The following CCR7 variants were observed in gnomAD, a reference collection of about 807,000 sequenced individuals.
CCR7 encodes C-C motif chemokine receptor 7.
A neutral mutation model predicts 26.0 loss-of-function variants in CCR7; 11 were observed. The observed-to-expected ratio is 0.42, with a 90% CI of 0.27 to 0.70. CCR7 has a LOEUF of 0.70. Among genes scored for constraint, CCR7 ranks in the 30% least tolerant of loss-of-function variants. CCR7 has a pLI of 0.23. For synonymous variants in CCR7, 189 were observed against 202.1 expected (o/e 0.94, Z 0.55); for missense variants, 360 against 504.0 (o/e 0.71, Z 2.74).
chr17:40,555,372 G>A lies in CCR7; in HGVS notation c.507C>T (p.Ala169=). 1.2e-6 allele frequency: 2 copies of A among 1,614,142 alleles called. No homozygotes were observed. The highest frequency in any genetic ancestry group is 1.7e-6 in the Non-Finnish European group (2 of 1,180,038). The part of the protein sequence containing the change: ...VQAVSAHRHR[A]RVLLISKLSC... ...ACAGCTTGCTGATGAGAAGGACGCGGGCACGGTGGCGGTGAGCTGAGACAG... is the reference window on the plus strand; with the variant it reads ...ACAGCTTGCTGATGAGAAGGACGCGAGCACGGTGGCGGTGAGCTGAGACAG... Residue 169 remains alanine (A), a synonymous_variant, in exon 3 of 3, where the codon GCC becomes GCT. Transcript: ENST00000246657. The surrounding 1 kb of genome is among the most constrained non-coding windows in gnomAD (Gnocchi z 5.6).
rs773718925 is a variant in CCR7 at position 40,558,927 on chromosome 17, C to T, written c.26G>A (p.Ser9Asn). The T allele has an allele frequency of 1.1e-5, 17 of 1,612,718 alleles. No homozygotes were observed. The East Asian group carries it at 3.6e-4, about 34-fold the overall frequency. Reference protein sequence around the residue: MDLGKPMKSVLVVALLVIF... With the variant: MDLGKPMKNVLVVALLVIF... ...GACAAGGAGAGCCACCACCAGCACG[C>T]TTTTCATTGGTTTCCCTGTAGGAGA... The change falls in exon 2 of 3, where the codon AGC (serine) becomes AAC (asparagine). Residue 9 changes from serine to asparagine, a missense_variant. Coordinates refer to ENST00000246657, the MANE Select transcript of CCR7 (RefSeq NM_001838.4).
chr17:40,557,746 A>C (rs3136691), intron 2 of CCR7, among the ~76,000 whole-genome samples: 4,203 of 151,880 alleles, frequency 0.028, 180 homozygotes, highest in African/African-American at 0.095. Flanking sequence ...CTCCCCTTGA[A>C]CCTTGTTCCT....
At chr17:40,559,941 A>T (rs562432609) in intron 1 of CCR7, among the ~76,000 whole-genome samples, 1 of 152,152 alleles carries the variant, frequency 6.6e-6, no homozygotes, top group East Asian at 1.9e-4. Flanking sequence ...AAGTGCCTGC[A>T]CACACTTTCT....
chr17:40,554,814 C>G lies in CCR7; in HGVS notation c.1065G>C (p.Trp355Cys). 6.2e-7 allele frequency: 1 copy of G among 1,614,180 alleles called. No individual in the cohort carries two copies. Among genetic ancestry groups the G allele is most frequent in the Non-Finnish European group, 8.5e-7 (1 of 1,180,028 alleles). The stretch of plus-strand genomic sequence containing the variant: ...AGCGCCGGATGTGCCGACAGGAAGA[C>G]CACTGCCGGAGCTGCTCCTGGCTGA... The part of the protein sequence containing the change: ...GCLSQEQLRQ[W>C]SSCRHIRRSS... The change falls in exon 3 of 3, where the codon TGG becomes TGC. Residue 355 changes from tryptophan (W) to cysteine (C), a missense_variant. Physicochemically the swap from Trp to Cys is radical, Grantham distance 215. Coordinates refer to ENST00000246657, the MANE Select transcript of CCR7 (RefSeq NM_001838.4).
chr17:40,554,516 G>T lies in CCR7; in HGVS notation c.*226C>A. 1.8e-6 allele frequency: 1 copy of T among 563,056 alleles called. No individual in the cohort carries two copies. The highest frequency in any genetic ancestry group is 3.1e-6 in the Non-Finnish European group (1 of 318,676). The allele number at this position is 563,056 out of a possible 1,614,324, so 34.9% of individuals were successfully genotyped here. Reference sequence around the variant, plus strand: ...ACAATAGCCTCTGTTTCCCAGTGTTGTCTGTCTGGTGTTAGCTTATCAGCC... The same window carrying T: ...ACAATAGCCTCTGTTTCCCAGTGTTTTCTGTCTGGTGTTAGCTTATCAGCC... On this transcript the variant is annotated 3_prime_UTR_variant, in exon 3 of 3. Coordinates refer to ENST00000246657, the MANE Select transcript of CCR7 (RefSeq NM_001838.4).
chr17:40,560,956 C>T (rs1013432522), intron 1 of CCR7: 2 of 152,320 alleles, frequency 1.3e-5, no homozygotes, highest in Non-Finnish European at 2.9e-5. Context: ...CACGTTTACG[C>T]CCAACCACAC....
Position 40,555,644 on chromosome 17 carries a change from C to G in CCR7, c.235G>C (p.Val79Leu), listed in dbSNP as rs1013068828. Reference protein sequence around the residue: ...CFVGLLGNGLVVLTYIYFKRL... With the variant: ...CFVGLLGNGLLVLTYIYFKRL... ...TTGAAATAGATATAGGTCAACACGA[C>G]CAGCCCATTGCCCAGTAGGCCCACG... is the stretch of plus-strand genomic sequence containing the variant. Residue 79 changes from valine (V) to leucine (L), a missense_variant, in exon 3 of 3, where the codon GTC becomes CTC. Physicochemically the swap from Val to Leu is conservative, Grantham distance 32. Transcript: ENST00000246657. This position sits in a 1 kb window ranked among gnomAD's most constrained non-coding sequence, Gnocchi z 5.6. 3.4e-5 allele frequency: 55 copies of G among 1,614,044 alleles called. No homozygotes were observed. Among genetic ancestry groups the G allele is most frequent in the Non-Finnish European group, 4.3e-5 (51 of 1,180,032 alleles).
At chr17:40,558,872 T>A in intron 2 of CCR7, 21 bp downstream of exon 2, 1 of 1,611,372 alleles carries the variant, frequency 6.2e-7, no homozygotes, top group African/African-American at 1.3e-5. Flanking sequence ...GAACAGAGCT[T>A]TCCTTGGCAG....
At chr17:40,556,302 G>A (rs1429963703) in intron 2 of CCR7, among the ~76,000 whole-genome samples, 1 of 152,164 alleles carries the variant, frequency 6.6e-6, no homozygotes, top group Non-Finnish European at 1.5e-5. Flanking sequence ...TTAAATCAGT[G>A]CTTCTCAAAT....
chr17:40,559,840 A>G (rs1167629040), intron 1 of CCR7, among the ~76,000 whole-genome samples: 1 of 152,218 alleles, frequency 6.6e-6, no homozygotes, highest in Non-Finnish European at 1.5e-5. Flanking sequence ...AGATGGCCCG[A>G]GAGGACACAG....
chr17:40,554,577 T>C lies in CCR7; in HGVS notation c.*165A>G. 1.5e-6 allele frequency: 1 copy of C among 660,232 alleles called. No homozygotes were observed. The allele number at this position is 660,232 out of a possible 1,614,324, so 40.9% of individuals were successfully genotyped here. On this transcript the variant is annotated 3_prime_UTR_variant, in exon 3 of 3. Transcript: ENST00000246657. ...TTGGCATTGGTTGAGGTAGCTGGGA[T>C]TGGGGTGAAGCTATCTTCTGGAGCA...
intron 2 of CCR7, among the ~76,000 whole-genome samples, chr17:40,556,306 C>T (rs2036586933): frequency 1.3e-5 from 2 of 152,158 alleles, no homozygotes; most frequent in South Asian, 4.1e-4. Context: ...ATCAGTGCTT[C>T]TCAAATTTTA....
At chr17:40,559,082 A>C (rs2036625670) in intron 1 of CCR7, 140 bp from the exon 2 acceptor site, 2 of 682,436 alleles carry the variant, frequency 2.9e-6, no homozygotes, top group Admixed American at 5.6e-5. Flanking sequence ...GAACATCAGA[A>C]CCAGATTGTG....
In CCR7 at chr17:40,554,786, A is replaced by G; in HGVS notation, c.1093T>C (p.Ser365Pro). The G allele has an allele frequency of 6.2e-7, 1 of 1,613,802 alleles. No individual in the cohort carries two copies. Among genetic ancestry groups the G allele is most frequent in the Non-Finnish European group, 8.5e-7 (1 of 1,179,868 alleles). ...GTGGTCTCGGCCTCCACACTCATGG[A>G]GGAGCGCCGGATGTGCCGACAGGAA... is the stretch of plus-strand genomic sequence containing the variant. ...WSSCRHIRRS[S>P]MSVEAETTTT... Residue 365 changes from serine (S) to proline (P), a missense_variant, in exon 3 of 3, where the codon TCC (serine) becomes CCC (proline). Physicochemically the swap from Ser to Pro is moderately conservative, Grantham distance 74. Coordinates refer to ENST00000246657, the MANE Select transcript of CCR7 (RefSeq NM_001838.4).
chr17:40,558,923 C>T lies in CCR7; in HGVS notation c.30G>A (p.Val10=), dbSNP rs2036623099. 6.2e-7 allele frequency: 1 copy of T among 1,612,938 alleles called. No homozygotes were observed. Among genetic ancestry groups the T allele is most frequent in the Admixed American group, 1.7e-5 (1 of 59,766 alleles). Residue 10 remains valine (V), a synonymous_variant, in exon 2 of 3, where the codon GTG becomes GTA. Transcript: ENST00000246657. ...AAATGACAAGGAGAGCCACCACCAG[C>T]ACGCTTTTCATTGGTTTCCCTGTAG... The part of the protein sequence containing the change: MDLGKPMKS[V]LVVALLVIFQ...
chr17:40,554,697 C>T lies in CCR7; in HGVS notation c.*45G>A, dbSNP rs181966581. On this transcript the variant is annotated 3_prime_UTR_variant, in exon 3 of 3. Transcript: ENST00000246657. ...TTGCATCTGCTCCCTATCCCCACCCCAGGGACCCTGGGAGAGGTCCCTCTA... is the reference window on the plus strand; with the variant it reads ...TTGCATCTGCTCCCTATCCCCACCCTAGGGACCCTGGGAGAGGTCCCTCTA... 6.9e-7 allele frequency: 1 copy of T among 1,456,408 alleles called. No homozygotes were observed. The highest frequency in any genetic ancestry group is 9.4e-7 in the Non-Finnish European group (1 of 1,069,146). 90.2% of individuals were successfully genotyped at this position (1,456,408 alleles called of 1,614,324 possible).
rs1484605007 is a variant in CCR7 at position 40,554,714 on chromosome 17, G to T, written c.*28C>A. The stretch of plus-strand genomic sequence containing the variant: ...CCCCACCCCAGGGACCCTGGGAGAG[G>T]TCCCTCTAGTCCAGGCAGAAGAGTC... On this transcript the variant is annotated 3_prime_UTR_variant, in exon 3 of 3. Transcript: ENST00000246657. 2.6e-6 allele frequency: 4 copies of T among 1,536,788 alleles called. No individual in the cohort carries two copies. The African/African-American group carries it at 5.5e-5, about 21-fold the overall frequency.
Position 40,555,874 on chromosome 17 carries a change from T to G in CCR7, c.61-56A>C, listed in dbSNP as rs574829241. 2 of 1,220,376 alleles carry G rather than the reference T, an allele frequency of 1.6e-6. No homozygotes were observed. The highest frequency in any genetic ancestry group is 1.3e-5 in the South Asian group (1 of 75,360). The allele number at this position is 1,220,376 out of a possible 1,614,324, so 75.6% of individuals were successfully genotyped here. ...CAGTTTAGCTGGGTGGCTCCAACTC[T>G]GGCTGGGATTTAGCCTAGAGCAGTG... On this transcript the variant is annotated intron_variant, in intron 2 of 2. Coordinates refer to ENST00000246657, the MANE Select transcript of CCR7 (RefSeq NM_001838.4). This position sits in a 1 kb window ranked among gnomAD's most constrained non-coding sequence, Gnocchi z 5.6.
chr17:40,555,259 G>A lies in CCR7; in HGVS notation c.620C>T (p.Ala207Val), dbSNP rs141181444. ...SDLQRSSSEQ[A>V]MRCSLITEHV... ...CTCTGTGATGAGAGAGCATCGCATC[G>A]CTTGCTCACTGCTGCTCCTCTGGAG... Residue 207 changes from alanine (A) to valine (V), a missense_variant, in exon 3 of 3, where the codon GCG becomes GTG. By Grantham distance (64) the Ala-to-Val change is moderately conservative. Transcript: ENST00000246657. This position sits in a 1 kb window ranked among gnomAD's most constrained non-coding sequence, Gnocchi z 5.6. The A allele has an allele frequency of 3.1e-6, 5 of 1,614,130 alleles. No individual in the cohort carries two copies. Among genetic ancestry groups the A allele is most frequent in the Non-Finnish European group, 4.2e-6 (5 of 1,180,002 alleles).
Sources: allele counts gnomAD v4.1 joint callset (sites outside exome capture counted in the v4.1 genomes callset), GRCh38; gene constraint gnomAD v4.1.1; non-coding constraint Gnocchi (gnomAD v3.1); transcripts MANE v1.5; gene names NCBI Gene and HGNC (gene_info 2026-07-23, HGNC 2026-07-21).